RBM20: variants seen among roughly 807,000 people sequenced by gnomAD.
RBM20 encodes the protein RNA binding motif protein 20.
Under a neutral mutation model 110.1 loss-of-function variants are expected in RBM20, and 51 were observed. That is an observed-to-expected ratio of 0.46 (90% CI 0.37 to 0.59). RBM20 has a LOEUF of 0.59. RBM20 is among the 20% of genes least tolerant of loss of function. The pLI is 0.00. For missense variants in RBM20, 1,512 were observed against 1,574.9 expected (o/e 0.96, Z 0.68); for synonymous variants, 589 against 618.2 (o/e 0.95, Z 0.70).
chr10:110,785,120 T>G (rs991899743), intron 5 of RBM20, among the ~76,000 whole-genome samples: 2 of 152,106 alleles, frequency 1.3e-5, no homozygotes, highest in Middle Eastern at 3.2e-3. Flanking sequence ...ATGCCCTGCC[T>G]CAAATACCTC....
chr10:110,650,630 C>A (rs1303630239), intron 1 of RBM20, among the ~76,000 whole-genome samples: 4 of 152,142 alleles, frequency 2.6e-5, no homozygotes, highest in African/African-American at 9.7e-5. Flanking sequence ...CTTTTCTTTG[C>A]ACCTGCTTTC....
intron 1 of RBM20, among the ~76,000 whole-genome samples, chr10:110,745,666 T>C (rs1450121014): frequency 6.6e-6 from 1 of 152,170 alleles, no homozygotes; most frequent in African/African-American, 2.4e-5. Context: ...GGAGTAGCCG[T>C]CATATCCAAT....
chr10:110,812,134 T>C, intron 8 of RBM20, 144 bp from the exon 9 acceptor site: 2 of 757,598 alleles, frequency 2.6e-6, no homozygotes, highest in East Asian at 2.7e-5. Flanking sequence ...TGAACCACTC[T>C]GTGTGGTTCT....
intron 1 of RBM20, among the ~76,000 whole-genome samples, chr10:110,691,358 G>C (rs1299021774): frequency 6.6e-6 from 1 of 152,210 alleles, no homozygotes; most frequent in East Asian, 1.9e-4. Flanking sequence ...CTGCCAAACT[G>C]TTTCCCACAG....
intron 9 of RBM20, among the ~76,000 whole-genome samples, chr10:110,816,894 G>A (rs925116822): frequency 6.6e-6 from 1 of 152,178 alleles, no homozygotes; most frequent in Non-Finnish European, 1.5e-5. Flanking sequence ...CTGTAAAGAG[G>A]TCATGCTCAT....
At chr10:110,820,008 T>C in intron 9 of RBM20, 64 bp from the exon 10 acceptor site, 1 of 1,063,756 alleles carries the variant, frequency 9.4e-7, no homozygotes, top group Non-Finnish European at 1.3e-6. Flanking sequence ...AATATCATTC[T>C]TTTTTTCTTC....
intron 12 of RBM20, among the ~76,000 whole-genome samples, chr10:110,826,557 G>T (rs1303174887): frequency 6.6e-6 from 1 of 151,310 alleles, no homozygotes; most frequent in Non-Finnish European, 1.5e-5. Context: ...CTGTTGGGTG[G>T]ATCAGTAGTC....
rs186108981 is a variant in RBM20 at position 110,664,799 on chromosome 10, G to A, written c.191+20154G>A. Among the ~76,000 whole-genome samples, 8 of 152,142 alleles carry A rather than the reference G, an allele frequency of 5.3e-5. No individual in the cohort carries two copies. The East Asian group carries it at 1.3e-3, about 26-fold the overall frequency. On this transcript the variant is annotated intron_variant, in intron 1 of 13. Transcript: ENST00000369519. ...ATAAAAATAAAAAAATAAAAATTCA[G>A]TAGTTTCCACTATAGGGTGCTGGGG...
chr10:110,794,214 C>G (rs1316855968), intron 5 of RBM20, among the ~76,000 whole-genome samples: 1 of 152,158 alleles, frequency 6.6e-6, no homozygotes, highest in East Asian at 1.9e-4. Context: ...AAAACAGCTA[C>G]TATTCTACAT....
At chr10:110,789,214 GA>G (rs1844455049) in intron 5 of RBM20, among the ~76,000 whole-genome samples, 1 of 152,178 alleles carries the variant, frequency 6.6e-6, no homozygotes, top group East Asian at 1.9e-4. Context: ...TTAAGCAAGA[GA>G]AGACCAAAGT....
intron 1 of RBM20, among the ~76,000 whole-genome samples, chr10:110,697,166 T>C (rs1862677280): frequency 6.6e-6 from 1 of 151,538 alleles, no homozygotes; most frequent in Non-Finnish European, 1.5e-5. Flanking sequence ...ATTTAAAAGT[T>C]GGGGGATTTC....
chr10:110,756,980 C>T (rs1383659082), intron 1 of RBM20, among the ~76,000 whole-genome samples: 1 of 152,198 alleles, frequency 6.6e-6, no homozygotes, highest in Non-Finnish European at 1.5e-5. Context: ...GCCATGTGCT[C>T]TTTCAGGGAA....
At chr10:110,672,477 C>T (rs1055401045) in intron 1 of RBM20, among the ~76,000 whole-genome samples, 8 of 152,258 alleles carry the variant, frequency 5.3e-5, no homozygotes, top group African/African-American at 1.7e-4. Context: ...GGGCTGCTGC[C>T]GTCCTCCCTC....
At chr10:110,720,199 C>T (rs1590635244) in intron 1 of RBM20, among the ~76,000 whole-genome samples, 1 of 152,252 alleles carries the variant, frequency 6.6e-6, no homozygotes, top group East Asian at 1.9e-4. Context: ...AATGTTCAGT[C>T]CACCCTCCCA....
At chr10:110,769,594 TC>T (rs1368914964) in intron 1 of RBM20, among the ~76,000 whole-genome samples, 2 of 152,170 alleles carry the variant, frequency 1.3e-5, no homozygotes, top group African/African-American at 2.4e-5. Flanking sequence ...ATTACATGTG[TC>T]CCTTGAAATT....
chr10:110,682,211 A>G (rs969932509), intron 1 of RBM20, among the ~76,000 whole-genome samples: 1 of 151,994 alleles, frequency 6.6e-6, no homozygotes, highest in African/African-American at 2.4e-5. Context: ...GTGTTTTTCT[A>G]TTTCAGGATG....
intron 1 of RBM20, among the ~76,000 whole-genome samples, chr10:110,709,557 A>G (rs1032143413): frequency 2.8e-5 from 4 of 141,000 alleles, no homozygotes; most frequent in Non-Finnish European, 6.0e-5. Flanking sequence ...GATCAGTGAT[A>G]ATTTCTTTTT....
intron 1 of RBM20, among the ~76,000 whole-genome samples, chr10:110,650,620 C>G (rs769135630): frequency 3.3e-5 from 5 of 152,116 alleles, no homozygotes; most frequent in African/African-American, 7.2e-5. Flanking sequence ...TTGCTTCTGC[C>G]TTTTCTTTGC....
intron 1 of RBM20, among the ~76,000 whole-genome samples, chr10:110,767,817 G>C (rs372678635): frequency 6.6e-6 from 1 of 151,812 alleles, no homozygotes; most frequent in South Asian, 2.1e-4. Flanking sequence ...GGATGGCGGC[G>C]GGGCAGAGAC....
Sources: allele counts gnomAD v4.1 joint callset (sites outside exome capture counted in the v4.1 genomes callset), GRCh38; gene constraint gnomAD v4.1.1; transcripts MANE v1.5; gene names NCBI Gene and HGNC (gene_info 2026-07-23, HGNC 2026-07-21).